GNB4: variants seen among roughly 807,000 people sequenced by gnomAD.
GNB4 encodes the protein guanine nucleotide-binding protein subunit beta-4.
Under a neutral mutation model 45.2 loss-of-function variants are expected in GNB4, and 28 were observed. That is an observed-to-expected ratio of 0.62 (90% CI 0.46 to 0.85). GNB4 has a LOEUF of 0.85. Among genes scored for constraint, GNB4 ranks in the 40% least tolerant of loss-of-function variants. GNB4 has a pLI of 0.00. For synonymous variants in GNB4, 132 were observed against 143.7 expected (o/e 0.92, Z 0.58); for missense variants, 321 against 425.4 (o/e 0.75, Z 2.16).
chr3:179,468,716 C>A, the GNB4 span, among the ~76,000 whole-genome samples: 3 of 152,124 alleles, frequency 2.0e-5, no homozygotes, highest in Non-Finnish European at 4.4e-5. Flanking sequence ...CCTGAAAGAT[C>A]TCAAAGTATT....
At chr3:179,442,366 C>T (rs1428808025) in intron 1 of GNB4, among the ~76,000 whole-genome samples, 1 of 152,162 alleles carries the variant, frequency 6.6e-6, no homozygotes, top group Non-Finnish European at 1.5e-5. Context: ...TGTCAATTTA[C>T]GTCAGCTCTG....
chr3:179,464,457 G>A, the GNB4 span: 11 of 1,597,940 alleles, frequency 6.9e-6, no homozygotes, highest in East Asian at 1.6e-4. Context: ...AGATGAAGCT[G>A]TTGTAATTTC....
chr3:179,416,049 T>C (rs1196276380), intron 5 of GNB4, among the ~76,000 whole-genome samples: 2 of 152,110 alleles, frequency 1.3e-5, no homozygotes, highest in East Asian at 3.9e-4. Context: ...CACCAAGAGA[T>C]CTACGTAAGT....
chr3:179,429,480 T>C (rs926852980), intron 1 of GNB4, among the ~76,000 whole-genome samples: 3 of 152,202 alleles, frequency 2.0e-5, no homozygotes, highest in African/African-American at 7.2e-5. Context: ...CCAGGTCCTT[T>C]ACAGTCATGG....
At chr3:179,474,379 A>G in the GNB4 span, among the ~76,000 whole-genome samples, 2 of 152,056 alleles carry the variant, frequency 1.3e-5, no homozygotes, top group Non-Finnish European at 2.9e-5. Flanking sequence ...ACACGCCACC[A>G]TGCCTGGCTA....
chr3:179,481,868 T>G, the GNB4 span, among the ~76,000 whole-genome samples: 2 of 152,136 alleles, frequency 1.3e-5, no homozygotes, highest in Non-Finnish European at 2.9e-5. Flanking sequence ...AATAAATTTA[T>G]TTTTGTAAGT....
chr3:179,428,168 T>TA (rs1715200773), intron 1 of GNB4, among the ~76,000 whole-genome samples: 2 of 152,214 alleles, frequency 1.3e-5, no homozygotes. Flanking sequence ...TTTGTCCAAT[T>TA]AAAAAATAAA....
the GNB4 span, among the ~76,000 whole-genome samples, chr3:179,458,596 G>A: frequency 9.2e-5 from 14 of 152,242 alleles, no homozygotes; most frequent in African/African-American, 3.4e-4. Flanking sequence ...GGATGCTCAT[G>A]TACCTGATAT....
At chr3:179,420,968 G>A (rs750241852) in intron 2 of GNB4, 41 bp from the exon 3 acceptor site, 4 of 1,137,058 alleles carry the variant, frequency 3.5e-6, no homozygotes, top group Non-Finnish European at 5.3e-6. Context: ...TTAGCAACCT[G>A]TGGAATGACT....
At chr3:179,438,198 C>G (rs1313412017) in intron 1 of GNB4, among the ~76,000 whole-genome samples, 1 of 152,200 alleles carries the variant, frequency 6.6e-6, no homozygotes, top group Non-Finnish European at 1.5e-5. Context: ...TGTGTAGTAA[C>G]TCTTTATTTA....
chr3:179,409,811 A>AAAAAAAAC (rs1283770466), intron 8 of GNB4, among the ~76,000 whole-genome samples: 1 of 121,988 alleles, frequency 8.2e-6, no homozygotes, highest in African/African-American at 3.2e-5. Flanking sequence ...TCTGTCTCAA[A>AAAAAAAAC]AAAAAAAACA....
intron 1 of GNB4, among the ~76,000 whole-genome samples, chr3:179,442,333 T>A (rs1177725261): frequency 6.6e-6 from 1 of 152,236 alleles, no homozygotes; most frequent in East Asian, 1.9e-4. Context: ...TCACCTGTAC[T>A]ACTTCTTAAA....
the GNB4 span, among the ~76,000 whole-genome samples, chr3:179,476,693 T>A: frequency 6.6e-6 from 1 of 152,336 alleles, no homozygotes; most frequent in East Asian, 1.9e-4. Context: ...GCCATGTCCC[T>A]GCAGCTGTTG....
chr3:179,489,038 A>ATG, the GNB4 span, among the ~76,000 whole-genome samples: 1 of 81,716 alleles, frequency 1.2e-5, no homozygotes, highest in Non-Finnish European at 2.2e-5. Context: ...ATATATATAT[A>ATG]TATATATAAT....
the GNB4 span, among the ~76,000 whole-genome samples, chr3:179,502,221 T>A: frequency 6.8e-6 from 1 of 147,726 alleles, no homozygotes; most frequent in Non-Finnish European, 1.5e-5. Context: ...GAGCTATTTT[T>A]TCTTTTCTTT....
At chr3:179,465,290 A>G in the GNB4 span, 2 of 1,483,910 alleles carry the variant, frequency 1.3e-6, no homozygotes, top group South Asian at 2.3e-5. Context: ...TGGCCCCATG[A>G]CAGTGGCAAT....
At chr3:179,426,866 T>C (rs1443329933) in intron 1 of GNB4, among the ~76,000 whole-genome samples, 4 of 152,186 alleles carry the variant, frequency 2.6e-5, no homozygotes, top group African/African-American at 7.2e-5. Context: ...GACCACTCTC[T>C]GGTCTAATTA....
intron 1 of GNB4, 37 bp from the exon 2 acceptor site, chr3:179,426,279 C>T (rs1384540809): frequency 9.5e-7 from 1 of 1,057,586 alleles, no homozygotes; most frequent in East Asian, 2.5e-5. Flanking sequence ...AGATTCAGTT[C>T]TCTACTTACA....
At chr3:179,464,732 C>T in the GNB4 span, 1 of 1,084,052 alleles carries the variant, frequency 9.2e-7, no homozygotes, top group Admixed American at 1.7e-5. Context: ...TAGATGGCCT[C>T]CTTGTTCAGC....
Sources: allele counts gnomAD v4.1 joint callset (sites outside exome capture counted in the v4.1 genomes callset), GRCh38; gene constraint gnomAD v4.1.1; transcripts MANE v1.5; gene names NCBI Gene and HGNC (gene_info 2026-07-23, HGNC 2026-07-21).